Variants in PCDH15 observed in about 807,000 individuals in gnomAD.
PCDH15 encodes protocadherin-15.
In PCDH15, 129 loss-of-function variants were observed where a neutral mutation model predicts 178.5. That is an observed-to-expected ratio of 0.72 (90% CI 0.63 to 0.84). The LOEUF (loss-of-function observed/expected upper bound fraction) is 0.84, where lower values mean the gene tolerates loss of function less well. Among genes scored for constraint, PCDH15 ranks in the 40% least tolerant of loss-of-function variants. The pLI is 0.00. For synonymous variants in PCDH15, 800 were observed against 732.0 expected (o/e 1.09, Z -1.50); for missense variants, 2,230 against 2,099.9 (o/e 1.06, Z -1.21).
At chr10:53,952,467 T>C (rs2087163391) in intron 23 of PCDH15, among the ~76,000 whole-genome samples, 1 of 152,116 alleles carries the variant, frequency 6.6e-6, no homozygotes, top group African/African-American at 2.4e-5. Context: ...TGAGTCTGGT[T>C]GAGACTGGGG....
At chr10:55,067,734 G>A (rs951234355) in intron 2 of PCDH15, among the ~76,000 whole-genome samples, 5 of 149,504 alleles carry the variant, frequency 3.3e-5, no homozygotes, top group South Asian at 2.1e-4. Context: ...AATTTTCTCC[G>A]CAACTCTGCC....
intron 11 of PCDH15, among the ~76,000 whole-genome samples, chr10:54,191,756 A>G (rs77801027): frequency 5.0e-5 from 4 of 80,746 alleles, no homozygotes; most frequent in South Asian, 1.1e-3. Context: ...AAATGCAAAA[A>G]AAAAAAAAAA....
At chr10:55,375,523 T>A (rs1310189519) in intron 2 of PCDH15, among the ~76,000 whole-genome samples, 1 of 152,146 alleles carries the variant, frequency 6.6e-6, no homozygotes, top group African/African-American at 2.4e-5. Context: ...CCAAAACTTC[T>A]AAAGTCTTTG....
In PCDH15 at chr10:54,281,515, A is replaced by C. The variant is rs144219762; in HGVS notation, c.876+35756T>G. Among the ~76,000 whole-genome samples, 1,189 of 152,110 alleles carry C rather than the reference A, an allele frequency of 7.8e-3. 17 individuals carry two copies. The highest frequency in any genetic ancestry group is 0.025 in the African/African-American group (1,051 of 41,540). On this transcript the variant is annotated intron_variant, in intron 8 of 37. Coordinates refer to ENST00000644397, the MANE Select transcript of PCDH15 (RefSeq NM_001384140.1). Reference sequence around the variant, plus strand: ...TTAAAAATTCAAAGCACTATTTTAAAGTAAATTATCTTAGGAATATTATCT... The same window carrying C: ...TTAAAAATTCAAAGCACTATTTTAACGTAAATTATCTTAGGAATATTATCT...
chr10:54,855,481 T>A (rs1222241349), intron 3 of PCDH15, among the ~76,000 whole-genome samples: 1 of 152,210 alleles, frequency 6.6e-6, no homozygotes, highest in Non-Finnish European at 1.5e-5. Flanking sequence ...TGGACTTGTA[T>A]GATTTCATAG....
At chr10:55,557,635 T>TG (rs1380183251) in intron 2 of PCDH15, among the ~76,000 whole-genome samples, 3 of 151,864 alleles carry the variant, frequency 2.0e-5, no homozygotes, top group African/African-American at 4.8e-5. Context: ...GTAATGGAGG[T>TG]GAAAAAAAAG....
intron 1 of PCDH15, among the ~76,000 whole-genome samples, chr10:55,238,598 C>T (rs1425123883): frequency 6.6e-6 from 1 of 152,062 alleles, no homozygotes; most frequent in Non-Finnish European, 1.5e-5. Flanking sequence ...TTTAACAAGA[C>T]CACAAAAGTC....
chr10:54,964,542 T>C (rs1838733795), intron 2 of PCDH15, among the ~76,000 whole-genome samples: 1 of 152,140 alleles, frequency 6.6e-6, no homozygotes, highest in Non-Finnish European at 1.5e-5. Flanking sequence ...TTCTCAAAAT[T>C]GTATAAAGTG....
At chr10:54,534,018 T>C (rs2132792227) in intron 2 of PCDH15, among the ~76,000 whole-genome samples, 1 of 152,240 alleles carries the variant, frequency 6.6e-6, no homozygotes, top group African/African-American at 2.4e-5. Flanking sequence ...ATAAGAGTAA[T>C]TACAACTAAC....
Position 53,814,688 on chromosome 10 carries a change from G to A in PCDH15, c.4491+1551C>T, listed in dbSNP as rs985542867. Among the ~76,000 whole-genome samples, 4 of 152,198 alleles carry A rather than the reference G, an allele frequency of 2.6e-5. No individual in the cohort carries two copies. In the East Asian group the frequency reaches 5.8e-4, roughly 22 times the overall value. On this transcript the variant is annotated intron_variant, in intron 35 of 37. Transcript: ENST00000644397. ...AAAAAAAAATTTGAGGAAAGAGCCC[G>A]GGTGCGGTGGCTCACGCCTGTACTC... is the stretch of plus-strand genomic sequence containing the variant.
chr10:53,942,457 T>C (rs2086154013), intron 23 of PCDH15, among the ~76,000 whole-genome samples: 1 of 152,224 alleles, frequency 6.6e-6, no homozygotes, highest in African/African-American at 2.4e-5. Flanking sequence ...TTGCTCAGTG[T>C]TCATGTGATG....
At chr10:55,141,138 T>A (rs1363876003) in intron 2 of PCDH15, among the ~76,000 whole-genome samples, 1 of 152,058 alleles carries the variant, frequency 6.6e-6, no homozygotes, top group African/African-American at 2.4e-5. Flanking sequence ...TTTGAGTTTT[T>A]TTTAAGTCTG....
In PCDH15 at chr10:54,664,290, T is replaced by A; in HGVS notation, c.-28A>T. The A allele has an allele frequency of 6.4e-7, 1 of 1,557,714 alleles. No homozygotes were observed. The highest frequency in any genetic ancestry group is 8.8e-7 in the Non-Finnish European group (1 of 1,132,042). ...TCTGTCAAAGTTCACTCAAAGCTGA[T>A]CTGAAATAAGAAAAGGTAGAAAGAA... On this transcript the variant is annotated splice_region_variant and 5_prime_UTR_variant, in exon 2 of 38. Coordinates refer to ENST00000644397, the MANE Select transcript of PCDH15 (RefSeq NM_001384140.1).
intron 3 of PCDH15, among the ~76,000 whole-genome samples, chr10:54,409,621 G>A (rs1953185383): frequency 6.6e-6 from 1 of 152,074 alleles, no homozygotes; most frequent in Admixed American, 6.6e-5. Context: ...ATATTCAGCT[G>A]TTTTCTTACA....
At chr10:54,829,235 G>T (rs1377986198) in intron 3 of PCDH15, among the ~76,000 whole-genome samples, 2 of 151,852 alleles carry the variant, frequency 1.3e-5, no homozygotes, top group Non-Finnish European at 2.9e-5. Context: ...GTATAGTAAT[G>T]GTTGTGAAGT....
At chr10:54,436,033 A>AGAGGAGAG (rs1271738062) in intron 3 of PCDH15, among the ~76,000 whole-genome samples, 2 of 21,800 alleles carry the variant, frequency 9.2e-5, no homozygotes, top group East Asian at 5.3e-4. Context: ...AGAGGAGAGG[A>AGAGGAGAG]GAGAGAGAGA....
intron 2 of PCDH15, among the ~76,000 whole-genome samples, chr10:54,632,083 G>A (rs1025234306): frequency 1.3e-5 from 2 of 152,230 alleles, no homozygotes; most frequent in Non-Finnish European, 2.9e-5. Context: ...TATACACCAT[G>A]GAATACTACA....
At chr10:54,581,338 C>A (rs2091016219) in intron 2 of PCDH15, among the ~76,000 whole-genome samples, 2 of 151,904 alleles carry the variant, frequency 1.3e-5, no homozygotes, top group South Asian at 2.1e-4. Flanking sequence ...ATTTACAATA[C>A]CCACAATAAA....
chr10:54,731,038 T>C (rs1206843554), intron 1 of PCDH15, among the ~76,000 whole-genome samples: 1 of 151,338 alleles, frequency 6.6e-6, no homozygotes, highest in African/African-American at 2.4e-5. Context: ...AACCAGAATA[T>C]ATAAGGAGCT....
Sources: gnomAD v4.1 joint callset for allele counts (sites outside exome capture counted in the v4.1 genomes callset) on GRCh38, gnomAD v4.1.1 for gene constraint, MANE v1.5 for transcripts, NCBI Gene and HGNC (gene_info 2026-07-23, HGNC 2026-07-21) for gene names.